VDAC1: variants seen among roughly 807,000 people sequenced by gnomAD.
VDAC1 encodes the protein voltage dependent anion channel 1, also known as non-selective voltage-gated ion channel VDAC1.
A neutral mutation model predicts 34.7 loss-of-function variants in VDAC1; 10 were observed. That is an observed-to-expected ratio of 0.29 (90% confidence interval 0.18 to 0.49). The LOEUF (loss-of-function observed/expected upper bound fraction) is 0.49, where lower values mean the gene tolerates loss of function less well. Among genes scored for constraint, VDAC1 ranks in the 20% least tolerant of loss-of-function variants. The pLI is 0.99. For missense variants in VDAC1, 230 were observed against 347.9 expected, an observed-to-expected ratio of 0.66 and a Z score of 2.69; for synonymous variants, 130 against 136.0, an observed-to-expected ratio of 0.96 and a Z score of 0.30.
chr5:134,043,295 T>C, the VDAC1 span, among the ~76,000 whole-genome samples: 2 of 152,080 alleles, frequency 1.3e-5, no homozygotes, highest in African/African-American at 4.8e-5. Context: ...TTCACAACTA[T>C]CCAGGATATA....
chr5:134,045,781 T>C, the VDAC1 span, among the ~76,000 whole-genome samples: 2 of 151,888 alleles, frequency 1.3e-5, no homozygotes, highest in Non-Finnish European at 2.9e-5. Context: ...GCTTCCCAGG[T>C]TCAAGTGATT....
At chr5:134,073,408 C>A in the VDAC1 span, among the ~76,000 whole-genome samples, 10 of 152,200 alleles carry the variant, frequency 6.6e-5, no homozygotes, top group Non-Finnish European at 1.0e-4. Flanking sequence ...TCTGGCCCGC[C>A]AATGTATAGC....
chr5:134,021,938 C>T, the VDAC1 span, among the ~76,000 whole-genome samples: 1 of 147,026 alleles, frequency 6.8e-6, no homozygotes, highest in Non-Finnish European at 1.5e-5. Flanking sequence ...AGTGCAATGG[C>T]ATGATCTTGG....
the VDAC1 span, among the ~76,000 whole-genome samples, chr5:134,077,515 T>G: frequency 6.6e-6 from 1 of 152,176 alleles, no homozygotes; most frequent in African/African-American, 2.4e-5. Flanking sequence ...GTGCATGGGA[T>G]CTGACCTTCC....
At chr5:134,036,947 C>T in the VDAC1 span, among the ~76,000 whole-genome samples, 11 of 102,372 alleles carry the variant, frequency 1.1e-4, no homozygotes, top group African/African-American at 1.6e-4. Flanking sequence ...AGTGAGACTC[C>T]GTCTCAAAAA....
the VDAC1 span, among the ~76,000 whole-genome samples, chr5:134,100,593 C>CA: frequency 6.6e-6 from 1 of 152,158 alleles, no homozygotes; most frequent in African/African-American, 2.4e-5. Context: ...GCAGGCCTAG[C>CA]AAAACAAGGT....
the VDAC1 span, among the ~76,000 whole-genome samples, chr5:134,070,723 C>T: frequency 6.6e-6 from 1 of 152,038 alleles, no homozygotes; most frequent in African/African-American, 2.4e-5. Context: ...GGATTTTCCC[C>T]AATGCTGTCT....
At chr5:133,978,031 A>G (rs372457804) in intron 6 of VDAC1, among the ~76,000 whole-genome samples, 212 of 152,314 alleles carry the variant, frequency 1.4e-3, no homozygotes, top group African/African-American at 4.9e-3. Context: ...GGGCATTTCC[A>G]GTGGAAATGG....
chr5:134,056,536 C>A, the VDAC1 span, among the ~76,000 whole-genome samples: 4 of 150,952 alleles, frequency 2.6e-5, no homozygotes, highest in Non-Finnish European at 4.4e-5. Flanking sequence ...ACCTCCTGGG[C>A]TCAAGTGATC....
rs1580706794 is a variant in VDAC1 at position 133,975,902 on chromosome 5, T to G, written c.671A>C (p.Lys224Thr). 6.2e-7 allele frequency: 1 copy of G among 1,611,806 alleles called. No homozygotes were observed. The highest frequency in any genetic ancestry group is 8.5e-7 in the Non-Finnish European group (1 of 1,179,788). ...NSNTRFGIAA[K>T]YQIDPDACFS... ...GCAGGCGTCAGGGTCAATCTGATAC[T>G]TGGCTGCTATTCCGAAGCGCGTGTT... The change falls in exon 7 of 9, where the codon AAG becomes ACG. Residue 224 changes from lysine to threonine, a missense_variant. By Grantham distance (78) the Lys-to-Thr change is moderately conservative. Coordinates refer to ENST00000265333, the MANE Select transcript of VDAC1 (RefSeq NM_003374.3).
At chr5:133,985,737 A>G (rs1752885823) in intron 5 of VDAC1, among the ~76,000 whole-genome samples, 1 of 152,254 alleles carries the variant, frequency 6.6e-6, no homozygotes, top group Admixed American at 6.5e-5. Context: ...GATTGGCACC[A>G]GGCTGGTTGA....
At chr5:134,054,458 C>CTTTTTTTTTTTTTT in the VDAC1 span, among the ~76,000 whole-genome samples, 1 of 123,544 alleles carries the variant, frequency 8.1e-6, no homozygotes, top group Non-Finnish European at 1.6e-5. Context: ...TCCTTCCTTC[C>CTTTTTTTTTTTTTT]TTTTTTTTTT....
At chr5:134,096,873 G>A in the VDAC1 span, among the ~76,000 whole-genome samples, 9 of 152,318 alleles carry the variant, frequency 5.9e-5, no homozygotes, top group African/African-American at 2.2e-4. Context: ...ACAGGCATAC[G>A]CCACCGCACC....
rs375528272 is a variant in VDAC1 at position 133,987,380 on chromosome 5, G to A, written c.323+3475C>T. Among the ~76,000 whole-genome samples the A allele has an allele frequency of 1.3e-4, 19 of 151,308 alleles. No homozygotes were observed. The East Asian group carries it at 2.7e-3, about 22-fold the overall frequency. ...CATCTCATAAAAACAAAAAAGAAAA[G>A]AAAATCACCATTTGTAGCCAGGCGT... is the stretch of plus-strand genomic sequence containing the variant. On this transcript the variant is annotated intron_variant, in intron 5 of 8. Coordinates refer to ENST00000265333, the MANE Select transcript of VDAC1 (RefSeq NM_003374.3).
intron 5 of VDAC1, among the ~76,000 whole-genome samples, chr5:133,985,007 G>C (rs1019054777): frequency 1.3e-5 from 2 of 152,182 alleles, no homozygotes; most frequent in African/African-American, 4.8e-5. Context: ...AGTTTTGCAA[G>C]AGTTTTCTGC....
rs1266705513 is a variant in VDAC1 at position 133,973,496 on chromosome 5, G to A, written c.760+295C>T. Among the ~76,000 whole-genome samples, 5 of 152,140 alleles carry A rather than the reference G, an allele frequency of 3.3e-5. No individual in the cohort carries two copies. The East Asian group carries it at 9.6e-4, about 29-fold the overall frequency. On this transcript the variant is annotated intron_variant, in intron 8 of 8. Transcript: ENST00000265333. The stretch of plus-strand genomic sequence containing the variant: ...ATTTATAAGTTAGTTTTGAGAATCT[G>A]CCAGAAATAAGTATCAAGCATTATG...
chr5:133,992,320 A>C lies in VDAC1; in HGVS notation c.103T>G (p.Ser35Ala). Residue 35 changes from serine to alanine, a missense_variant, in exon 3 of 9, where the codon TCT (serine) becomes GCT (alanine). Ser to Ala is a moderately conservative substitution (Grantham distance 99, BLOSUM62 1). Transcript: ENST00000265333. Reference sequence around the variant, plus strand: ...GGACAACTTACCAATCCATTCTCAGATTTTGTTTTCAAATCAAGCTTTATT... The same window carrying C: ...GGACAACTTACCAATCCATTCTCAGCTTTTGTTTTCAAATCAAGCTTTATT... ...GLIKLDLKTK[S>A]ENGLEFTSSG... 6.3e-7 allele frequency: 1 copy of C among 1,583,468 alleles called. No homozygotes were observed. The highest frequency in any genetic ancestry group is 8.6e-7 in the Non-Finnish European group (1 of 1,166,320).
chr5:134,031,298 TA>T, the VDAC1 span, among the ~76,000 whole-genome samples: 3,176 of 149,944 alleles, frequency 0.021, 64 homozygotes, highest in African/African-American at 0.057. Flanking sequence ...TTTACTTAGT[TA>T]AAAAAAAAAT....
the VDAC1 span, among the ~76,000 whole-genome samples, chr5:134,014,764 G>T: frequency 1.3e-5 from 2 of 152,198 alleles, no homozygotes; most frequent in Non-Finnish European, 2.9e-5. Context: ...TGCTCAGGAG[G>T]CTGAGGCAGG....
Sources: allele counts gnomAD v4.1 joint callset (sites outside exome capture counted in the v4.1 genomes callset), GRCh38; gene constraint gnomAD v4.1.1; transcripts MANE v1.5; gene names NCBI Gene and HGNC (gene_info 2026-07-23, HGNC 2026-07-21).